FCER2: variants seen among roughly 807,000 people sequenced by gnomAD.
The protein encoded by FCER2 is Fc epsilon receptor II.
FCER2 carries 38 observed loss-of-function variants against 49.7 expected under a neutral mutation model. The observed-to-expected ratio is 0.76, with a 90% CI of 0.59 to 1.00. The LOEUF (loss-of-function observed/expected upper bound fraction) is 1.00. Ranked by LOEUF, FCER2 falls within the 50% of genes least tolerant of loss-of-function variation. The pLI is 0.00. For missense variants in FCER2, 425 were observed against 419.5 expected (o/e 1.01, Z -0.11); for synonymous variants, 163 against 164.6 (o/e 0.99, Z 0.07).
chr19:7,698,605 G>C, intron 3 of FCER2, 136 bp downstream of exon 3: 1 of 1,225,614 alleles, frequency 8.2e-7, no homozygotes, highest in South Asian at 1.4e-5. Flanking sequence ...GCAGTGGCAA[G>C]ATGGGAGGCA....
intron 6 of FCER2, 64 bp from the exon 7 acceptor site, chr19:7,697,139 C>A (rs1195691866): frequency 1.9e-6 from 3 of 1,606,218 alleles, no homozygotes; most frequent in Non-Finnish European, 1.7e-6. Context: ...GGGTGCCCCC[C>A]AAGCCTGGCC....
Position 7,696,774 on chromosome 19 carries a change from G to A in FCER2, c.469+51C>T, listed in dbSNP as rs779692718. ...TGCCGTCACATTTGCCAACACGCCC[G>A]AGCCCCAGGTGAGGTCACGCGTCGT... On this transcript the variant is annotated intron_variant, in intron 8 of 10. Transcript: ENST00000597921. 1.4e-5 allele frequency: 19 copies of A among 1,404,392 alleles called. No homozygotes were observed. In the East Asian group the frequency reaches 2.5e-4, roughly 18 times the overall value. 87.0% of individuals were successfully genotyped at this position (1,404,392 alleles called of 1,614,324 possible).
In FCER2 at chr19:7,699,486, T is replaced by C. The variant is rs980664882; in HGVS notation, c.22+253A>G. 3.3e-5 allele frequency: 45 copies of C among 1,353,442 alleles called. 1 individual carries two copies. Among genetic ancestry groups the C allele is most frequent in the Non-Finnish European group, 3.7e-5 (39 of 1,042,252 alleles). The allele number at this position is 1,353,442 out of a possible 1,614,324, so 83.8% of individuals were successfully genotyped here. ...CTCCCTAGCTGAAGCCGTTTTTTTTTTTTTTTCTTTTTCTTTTTTTGTCAG... is the reference window on the plus strand; with the variant it reads ...CTCCCTAGCTGAAGCCGTTTTTTTTCTTTTTTCTTTTTCTTTTTTTGTCAG... On this transcript the variant is annotated intron_variant, in intron 2 of 10. Coordinates refer to ENST00000597921, the MANE Select transcript of FCER2 (RefSeq NM_001220500.2).
At chr19:7,693,045 A>C (rs946358657) in intron 8 of FCER2, among the ~76,000 whole-genome samples, 8 of 152,068 alleles carry the variant, frequency 5.3e-5, no homozygotes, top group African/African-American at 1.9e-4. Context: ...AGAGGTACCC[A>C]CCACCAGCAG....
At chr19:7,699,571 G>T (rs929423140) in intron 2 of FCER2, 168 bp downstream of exon 2, 3 of 1,208,900 alleles carry the variant, frequency 2.5e-6, no homozygotes, top group Middle Eastern at 2.4e-4. Flanking sequence ...CTGGCTCTGT[G>T]CCAGGAAAGT....
chr19:7,699,484 TTTTTTTTTC>T, intron 2 of FCER2: 1 of 1,348,076 alleles, frequency 7.4e-7, no homozygotes, highest in Non-Finnish European at 9.6e-7. Flanking sequence ...GCCGTTTTTT[TTTTTTTTTC>T]TTTTTCTTTT....
At chr19:7,698,906 G>A in intron 2 of FCER2, 52 bp from the exon 3 acceptor site, 7 of 1,534,532 alleles carry the variant, frequency 4.6e-6, no homozygotes, top group Non-Finnish European at 6.1e-6. Context: ...CTGGATGCTG[G>A]CCCTGTCCGT....
Position 7,690,533 on chromosome 19 carries a change from TCAGGG to T in FCER2, c.489_493del (p.Cys163Ter), listed in dbSNP as rs777127227. On this transcript the variant is annotated stop_gained and frameshift_variant, in exon 9 of 11. Coordinates refer to ENST00000597921, the MANE Select transcript of FCER2 (RefSeq NM_001220500.2). LOFTEE classifies it high-confidence loss of function. ...CTTCCGTTGGAAATTGATCCACTTT[TCAGGG>T]CACGTGTTGCACACAAAGCCTGGGG... 2.0e-4 allele frequency: 330 copies of T among 1,614,084 alleles called. 3 individuals are homozygous for T. The East Asian group carries it at 7.3e-3, about 36-fold the overall frequency.
At chr19:7,700,821 T>C (rs2033137112) in intron 1 of FCER2, among the ~76,000 whole-genome samples, 1 of 150,934 alleles carries the variant, frequency 6.6e-6, no homozygotes, top group Non-Finnish European at 1.5e-5. Context: ...CCTATTTTTT[T>C]ATTTTTTGAG....
Position 7,702,032 on chromosome 19 carries a change from G to C in FCER2, c.-103C>G, listed in dbSNP as rs2033163466. On this transcript the variant is annotated 5_prime_UTR_variant, in exon 1 of 11. Coordinates refer to ENST00000597921, the MANE Select transcript of FCER2 (RefSeq NM_001220500.2). The stretch of plus-strand genomic sequence containing the variant: ...ATACGTACTCACTTAGTGGAGTTTG[G>C]AGCCTGTGTCTGTCCTCCTAGTGTG... The C allele has an allele frequency of 2.0e-5, 3 of 152,106 alleles. No individual in the cohort carries two copies. Among genetic ancestry groups the C allele is most frequent in the African/African-American group, 4.8e-5 (2 of 41,396 alleles). 9.4% of individuals were successfully genotyped at this position (152,106 alleles called of 1,614,324 possible). A position where few individuals can be genotyped will look rare whatever the true frequency, so the allele number is the denominator to read the frequency against.
intron 2 of FCER2, 103 bp from the exon 3 acceptor site, chr19:7,698,957 C>G: frequency 1.6e-6 from 2 of 1,253,848 alleles, no homozygotes; most frequent in Non-Finnish European, 2.2e-6. Flanking sequence ...GGGAGCTTGT[C>G]CAGAGCCCAC....
At chr19:7,692,305 C>G (rs936085832) in intron 8 of FCER2, among the ~76,000 whole-genome samples, 1 of 130,518 alleles carries the variant, frequency 7.7e-6, no homozygotes, top group Non-Finnish European at 1.6e-5. Context: ...ACCATCAGCA[C>G]GAATACATTC....
intron 8 of FCER2, among the ~76,000 whole-genome samples, chr19:7,695,767 A>T (rs1292388714): frequency 2.0e-5 from 3 of 152,080 alleles, no homozygotes; most frequent in African/African-American, 7.2e-5. Context: ...AAAATAAAAA[A>T]TTAGCCTGGC....
intron 10 of FCER2, 142 bp downstream of exon 10, chr19:7,690,017 C>A: frequency 1.6e-6 from 1 of 627,522 alleles, no homozygotes; most frequent in Non-Finnish European, 2.8e-6. Context: ...TCCCCCAGCC[C>A]CCACTGGCGT....
chr19:7,697,580 A>G lies in FCER2; in HGVS notation c.200T>C (p.Val67Ala). The change falls in exon 5 of 11, where the codon GTT becomes GCT. Residue 67 changes from valine to alanine, a missense_variant. Physicochemically the swap from Val to Ala is moderately conservative, Grantham distance 64. Transcript: ENST00000597921. ...EERAARNVSQ[V>A]SKNLESHHGD... ...GTGGTGGCTTTCCAAGTTCTTGGAA[A>G]CTTGAGAGACTGGAGCGGCGGGAGA... 3 of 1,613,920 alleles carry G rather than the reference A, an allele frequency of 1.9e-6. No individual in the cohort carries two copies. Among genetic ancestry groups the G allele is most frequent in the Non-Finnish European group, 2.5e-6 (3 of 1,179,940 alleles).
At chr19:7,699,510 A>G in intron 2 of FCER2, 1 of 1,396,974 alleles carries the variant, frequency 7.2e-7, no homozygotes, top group Non-Finnish European at 9.4e-7. Context: ...TTTTTTTGTC[A>G]GGAGGGTGTT....
In FCER2 at chr19:7,689,110, A is replaced by T; in HGVS notation, c.*83T>A. ...CCGTTTGGGTGGCAGAAAATGTCAC[A>T]GGGACCTTTCAGCCACAAAGAGGCT... is the stretch of plus-strand genomic sequence containing the variant. On this transcript the variant is annotated 3_prime_UTR_variant, in exon 11 of 11. Coordinates refer to ENST00000597921, the MANE Select transcript of FCER2 (RefSeq NM_001220500.2). 1 of 960,244 alleles carries T rather than the reference A, an allele frequency of 1.0e-6. No individual in the cohort carries two copies. The highest frequency in any genetic ancestry group is 1.6e-5 in the African/African-American group (1 of 61,970). 59.5% of individuals were successfully genotyped at this position (960,244 alleles called of 1,614,324 possible). A position where few individuals can be genotyped will look rare whatever the true frequency, so the allele number is the denominator to read the frequency against.
At position 7,698,817 on chromosome 19, in the gene FCER2, A is replaced by G. The variant is rs2287866; in HGVS notation, c.60T>C (p.Arg20=). The G allele has an allele frequency of 0.081, 129,738 of 1,610,236 alleles. 8,228 individuals carry two copies. The highest frequency in any genetic ancestry group is 0.27 in the Admixed American group (15,707 of 59,250). Residue 20 remains arginine (R), a synonymous_variant, in exon 3 of 11, where the codon CGT becomes CGC. Transcript: ENST00000597921. ...EELPRRRCCR[R]GTQIVLLGLV... Reference sequence around the variant, plus strand: ...GCCCCAGCAGCACGATCTGAGTCCCACGCCTGCAACACCGCCTCCTGGGAA... The same window carrying G: ...GCCCCAGCAGCACGATCTGAGTCCCGCGCCTGCAACACCGCCTCCTGGGAA...
At chr19:7,697,769 A>C (rs1467897532) in intron 4 of FCER2, among the ~76,000 whole-genome samples, 180 bp from the exon 5 acceptor site, 2 of 80,974 alleles carry the variant, frequency 2.5e-5, no homozygotes, top group Admixed American at 1.0e-4. Flanking sequence ...ATAATGAACT[A>C]CTGTGTACCT....
Sources: gnomAD v4.1 joint callset for allele counts (sites outside exome capture counted in the v4.1 genomes callset) on GRCh38, gnomAD v4.1.1 for gene constraint, MANE v1.5 for transcripts, NCBI Gene and HGNC (gene_info 2026-07-23, HGNC 2026-07-21) for gene names.